SORCS3: variants seen among roughly 807,000 people sequenced by gnomAD.
SORCS3 encodes the protein VPS10 domain-containing receptor SorCS3.
A neutral mutation model predicts 146.3 loss-of-function variants in SORCS3; 57 were observed. The ratio of observed to expected loss-of-function variants is 0.39; its 90% CI spans 0.31 to 0.49. The LOEUF is 0.49. SORCS3 is among the 20% of genes least tolerant of loss of function. SORCS3 has a pLI of 0.92. For missense variants in SORCS3, 1,341 were observed against 1,575.5 expected (o/e 0.85, Z 2.52); for synonymous variants, 653 against 618.5 (o/e 1.06, Z -0.83).
intron 2 of SORCS3, among the ~76,000 whole-genome samples, chr10:104,884,876 T>A (rs879300051): frequency 3.3e-5 from 5 of 151,770 alleles, no homozygotes; most frequent in African/African-American, 4.8e-5. Context: ...CCTCCAGGGG[T>A]GCTTGCTACC....
Position 104,747,208 on chromosome 10 carries a change from A to T in SORCS3, c.628-95584A>T, listed in dbSNP as rs1212917186. Among the ~76,000 whole-genome samples, 3 of 152,170 alleles carry T rather than the reference A, an allele frequency of 2.0e-5. No individual in the cohort carries two copies. The East Asian group carries it at 5.8e-4, about 29-fold the overall frequency. On this transcript the variant is annotated intron_variant, in intron 1 of 26. Transcript: ENST00000369701. ...TCACCTCCAGGATGGATGGAAAATA[A>T]CATGGTTTAGCACAAACCCAACTCT... is the stretch of plus-strand genomic sequence containing the variant.
intron 1 of SORCS3, among the ~76,000 whole-genome samples, chr10:104,643,745 T>TGTGTGTGTGTGTG (rs1554841272): frequency 6.8e-5 from 10 of 147,578 alleles, no homozygotes; most frequent in African/African-American, 2.0e-4. Flanking sequence ...TGTGTGTGTG[T>TGTGTGTGTGTGTG]TGGGGTTCTT....
chr10:104,842,194 C>T (rs2018149334), intron 1 of SORCS3, among the ~76,000 whole-genome samples: 1 of 152,220 alleles, frequency 6.6e-6, no homozygotes, highest in East Asian at 1.9e-4. Flanking sequence ...GTTCAATGAT[C>T]TGCTTACTCC....
chr10:104,971,857 C>T (rs952936580), intron 3 of SORCS3, among the ~76,000 whole-genome samples: 1 of 152,016 alleles, frequency 6.6e-6, no homozygotes, highest in Non-Finnish European at 1.5e-5. Context: ...GTTATGGAAG[C>T]CCCTGGAAGA....
chr10:105,107,467 T>A (rs542988185), intron 7 of SORCS3, among the ~76,000 whole-genome samples: 14 of 152,306 alleles, frequency 9.2e-5, no homozygotes, highest in African/African-American at 3.1e-4. Context: ...TTTCCTTGTG[T>A]TCCATAAAGT....
At chr10:104,814,275 A>C (rs2017772281) in intron 1 of SORCS3, among the ~76,000 whole-genome samples, 1 of 151,964 alleles carries the variant, frequency 6.6e-6, no homozygotes, top group South Asian at 2.1e-4. Context: ...CCTTTTCTAT[A>C]TTCTTTCCCT....
At chr10:104,710,965 G>A (rs995993914) in intron 1 of SORCS3, among the ~76,000 whole-genome samples, 2 of 152,148 alleles carry the variant, frequency 1.3e-5, no homozygotes, top group African/African-American at 4.8e-5. Context: ...TTAGATGGAC[G>A]TTTCCAGGAT....
At chr10:105,101,959 G>A (rs755244488) in intron 6 of SORCS3, among the ~76,000 whole-genome samples, 16 of 152,172 alleles carry the variant, frequency 1.1e-4, no homozygotes, top group Non-Finnish European at 2.2e-4. Context: ...TATTCCTGGT[G>A]GGCTAGCAGC....
intron 1 of SORCS3, among the ~76,000 whole-genome samples, chr10:104,702,584 G>A (rs1331390889): frequency 6.6e-6 from 1 of 152,162 alleles, no homozygotes; most frequent in African/African-American, 2.4e-5. Flanking sequence ...CACCGTGCCT[G>A]GCAGGATACA....
chr10:104,760,478 G>C (rs1193349516), intron 1 of SORCS3, among the ~76,000 whole-genome samples: 2 of 152,154 alleles, frequency 1.3e-5, no homozygotes, highest in African/African-American at 4.8e-5. Context: ...AAGATGTCAA[G>C]AGTTTTATGT....
intron 2 of SORCS3, among the ~76,000 whole-genome samples, chr10:104,911,691 C>T (rs1361690948): frequency 2.0e-5 from 3 of 152,184 alleles, no homozygotes; most frequent in African/African-American, 4.8e-5. Flanking sequence ...AAGTAAACCT[C>T]TTGTGTTAAT....
chr10:104,970,501 A>G (rs2054854640), intron 3 of SORCS3, among the ~76,000 whole-genome samples: 1 of 152,154 alleles, frequency 6.6e-6, no homozygotes, highest in Non-Finnish European at 1.5e-5. Flanking sequence ...ATGCTTCCTC[A>G]GGTTTTCTCA....
At position 105,169,820 on chromosome 10, in the gene SORCS3, G is replaced by A. The variant is rs187404107; in HGVS notation, c.1901+2471G>A. Among the ~76,000 whole-genome samples the A allele has an allele frequency of 5.3e-5, 8 of 152,164 alleles. No individual in the cohort carries two copies. In the East Asian group the frequency reaches 1.6e-3, roughly 30 times the overall value. Reference sequence around the variant, plus strand: ...ACAAGCTTGTTTTTAAACCAAGCAAGGCAATGTTTCTTAGCTCCCATCATG... The same window carrying A: ...ACAAGCTTGTTTTTAAACCAAGCAAAGCAATGTTTCTTAGCTCCCATCATG... On this transcript the variant is annotated intron_variant, in intron 13 of 26. Transcript: ENST00000369701.
chr10:104,668,164 T>C (rs370964558), intron 1 of SORCS3, among the ~76,000 whole-genome samples: 126 of 152,312 alleles, frequency 8.3e-4, no homozygotes, highest in East Asian at 3.9e-3. Context: ...TGTGTGTGTG[T>C]GCGCGCATGT....
chr10:104,975,597 C>A (rs188131524), intron 3 of SORCS3, among the ~76,000 whole-genome samples: 1 of 152,138 alleles, frequency 6.6e-6, no homozygotes, highest in African/African-American at 2.4e-5. Context: ...GAGCCCGCAT[C>A]GCCAAGTCAA....
At chr10:104,974,025 C>A (rs1296335812) in intron 3 of SORCS3, among the ~76,000 whole-genome samples, 1 of 152,060 alleles carries the variant, frequency 6.6e-6, no homozygotes, top group Non-Finnish European at 1.5e-5. Flanking sequence ...ATTCTTAATC[C>A]TGAGTTCTAG....
At chr10:104,915,320 A>G (rs902800416) in intron 2 of SORCS3, among the ~76,000 whole-genome samples, 1 of 152,066 alleles carries the variant, frequency 6.6e-6, no homozygotes, top group African/African-American at 2.4e-5. Context: ...ATTGGACCCC[A>G]TAAGTTTTCT....
At chr10:104,981,609 A>G (rs2054931929) in intron 4 of SORCS3, among the ~76,000 whole-genome samples, 1 of 152,198 alleles carries the variant, frequency 6.6e-6, no homozygotes, top group Non-Finnish European at 1.5e-5. Flanking sequence ...ATTTTGAGAT[A>G]GGTTTTGAAG....
chr10:104,952,735 T>C (rs568217258), intron 3 of SORCS3, among the ~76,000 whole-genome samples: 4 of 152,288 alleles, frequency 2.6e-5, no homozygotes, highest in African/African-American at 9.6e-5. Context: ...CAACAAATGT[T>C]TTTGTTTCCC....
Sources: gnomAD v4.1 joint callset for allele counts (sites outside exome capture counted in the v4.1 genomes callset) on GRCh38, gnomAD v4.1.1 for gene constraint, MANE v1.5 for transcripts, NCBI Gene and HGNC (gene_info 2026-07-23, HGNC 2026-07-21) for gene names.